The following SLC4A10 variants were observed in gnomAD, a reference collection of about 807,000 sequenced individuals.
SLC4A10 encodes sodium-driven chloride bicarbonate exchanger.
In SLC4A10, 42 loss-of-function variants were observed where a neutral mutation model predicts 137.7. The observed-to-expected ratio is 0.30, with a 90% CI of 0.24 to 0.39. SLC4A10 has a LOEUF of 0.39. Ranked by LOEUF, SLC4A10 falls within the 10% of genes least tolerant of loss-of-function variation. The pLI is 1.00. For synonymous variants in SLC4A10, 474 were observed against 464.1 expected (o/e 1.02, Z -0.27); for missense variants, 925 against 1,355.0 (o/e 0.68, Z 4.98).
intron 1 of SLC4A10, among the ~76,000 whole-genome samples, chr2:161,675,103 A>G (rs1168120406): frequency 6.6e-6 from 1 of 152,200 alleles, no homozygotes; most frequent in Admixed American, 6.5e-5. Flanking sequence ...TGAAGTTGCA[A>G]TCAGGCCAGT....
chr2:161,744,643 C>A (rs2048227430), intron 1 of SLC4A10, among the ~76,000 whole-genome samples: 1 of 151,854 alleles, frequency 6.6e-6, no homozygotes. Flanking sequence ...ATCTATAACC[C>A]ATTATTTTCA....
chr2:161,632,962 GCATATTA>G (rs2105420928), intron 1 of SLC4A10, among the ~76,000 whole-genome samples: 1 of 151,528 alleles, frequency 6.6e-6, no homozygotes, highest in Non-Finnish European at 1.5e-5. Flanking sequence ...TACTTATTTA[GCATATTA>G]CCTATTACTT....
chr2:161,892,567 C>T (rs552241657), intron 10 of SLC4A10, among the ~76,000 whole-genome samples: 3 of 152,114 alleles, frequency 2.0e-5, no homozygotes, highest in South Asian at 4.1e-4. Flanking sequence ...CTAAAATGAT[C>T]ATTATTACTT....
chr2:161,668,432 A>G (rs974224467), intron 1 of SLC4A10, among the ~76,000 whole-genome samples: 1 of 151,782 alleles, frequency 6.6e-6, no homozygotes, highest in Non-Finnish European at 1.5e-5. Context: ...AGAGTGGATT[A>G]TACAGAGAAA....
intron 1 of SLC4A10, among the ~76,000 whole-genome samples, chr2:161,655,686 G>C (rs970126321): frequency 3.9e-5 from 6 of 152,080 alleles, no homozygotes; most frequent in African/African-American, 1.4e-4. Context: ...CATTTCATGA[G>C]GCCAATATTA....
In SLC4A10 at chr2:161,904,889, G is replaced by A. The variant is rs534495211; in HGVS notation, c.1731G>A (p.Lys577=). ...GSTGPVLVFE[K]ILFKFCKEYG... is the part of the protein sequence containing the mutation. ...CAGGACCAGTTTTGGTGTTTGAAAA[G>A]ATTTTGTTTAAATTTTGCAAGTAAG... Residue 577 remains lysine, a synonymous_variant, in exon 14 of 27, where the codon AAG becomes AAA. Coordinates refer to ENST00000446997, the MANE Select transcript of SLC4A10 (RefSeq NM_001178015.2). 1.9e-6 allele frequency: 3 copies of A among 1,613,886 alleles called. No individual in the cohort carries two copies. The highest frequency in any genetic ancestry group is 2.2e-5 in the East Asian group (1 of 44,850).
intron 3 of SLC4A10, among the ~76,000 whole-genome samples, chr2:161,819,525 C>T (rs1363155505): frequency 6.7e-6 from 1 of 149,122 alleles, no homozygotes; most frequent in East Asian, 2.0e-4. Context: ...GACAGAGTCT[C>T]ACTCTGTTGG....
chr2:161,976,671 A>ATGAT, intron 24 of SLC4A10, 89 bp from the exon 25 acceptor site: 5 of 577,382 alleles, frequency 8.7e-6, no homozygotes, highest in Non-Finnish European at 1.5e-5. Flanking sequence ...TCATAGATAT[A>ATGAT]TGATTGCCCT....
chr2:161,901,628 T>A (rs1683137104), intron 12 of SLC4A10, among the ~76,000 whole-genome samples: 1 of 152,118 alleles, frequency 6.6e-6, no homozygotes, highest in Admixed American at 6.6e-5. Flanking sequence ...GCCTCCATTA[T>A]AATTAAAGGC....
chr2:161,637,238 T>A (rs973542962), intron 1 of SLC4A10, among the ~76,000 whole-genome samples: 1 of 150,838 alleles, frequency 6.6e-6, no homozygotes, highest in African/African-American at 2.4e-5. Flanking sequence ...CACTCTGTTG[T>A]CCAGGCTGGA....
intron 16 of SLC4A10, among the ~76,000 whole-genome samples, chr2:161,944,058 C>T (rs1328213466): frequency 2.6e-5 from 4 of 151,818 alleles, no homozygotes; most frequent in Non-Finnish European, 5.9e-5. Flanking sequence ...TTCAGTTACT[C>T]TTATTGTTTT....
At chr2:161,909,788 G>A (rs767072677) in intron 15 of SLC4A10, among the ~76,000 whole-genome samples, 25 of 152,096 alleles carry the variant, frequency 1.6e-4, no homozygotes, top group Non-Finnish European at 2.9e-4. Context: ...GCTAATTACT[G>A]CTATTTTAAT....
chr2:161,729,549 A>G (rs931208283), intron 1 of SLC4A10, among the ~76,000 whole-genome samples: 1 of 152,170 alleles, frequency 6.6e-6, no homozygotes, highest in Non-Finnish European at 1.5e-5. Context: ...AGATCATACA[A>G]TTTGTAAGAT....
chr2:161,872,390 C>A lies in SLC4A10; in HGVS notation c.858+6C>A, dbSNP rs965495887. 5.6e-6 allele frequency: 9 copies of A among 1,609,068 alleles called. No individual in the cohort carries two copies. The highest frequency in any genetic ancestry group is 2.7e-5 in the African/African-American group (2 of 74,806). The stretch of plus-strand genomic sequence containing the variant: ...GCACTGTTGACTTTAGCAAGGTGAG[C>A]TTTTCTCCCTCTCATCTAAGTAAGT... On this transcript the variant is annotated splice_donor_region_variant and intron_variant, in intron 7 of 26. Coordinates refer to ENST00000446997, the MANE Select transcript of SLC4A10 (RefSeq NM_001178015.2).
At chr2:161,624,700 C>T (rs1427254945) in intron 1 of SLC4A10, 134 bp downstream of exon 1, 1 of 1,193,778 alleles carries the variant, frequency 8.4e-7, no homozygotes, top group East Asian at 2.6e-5. Flanking sequence ...GGACAGGGGT[C>T]TCCTCCCATC....
At chr2:161,970,893 G>C (rs967153929) in intron 23 of SLC4A10, among the ~76,000 whole-genome samples, 1 of 152,186 alleles carries the variant, frequency 6.6e-6, no homozygotes. Flanking sequence ...CCTCTACTCA[G>C]CACAGACTTT....
intron 2 of SLC4A10, among the ~76,000 whole-genome samples, chr2:161,790,448 A>C (rs1168568462): frequency 6.6e-6 from 1 of 152,144 alleles, no homozygotes; most frequent in Non-Finnish European, 1.5e-5. Flanking sequence ...ATTTTTGTGC[A>C]ACTTAGTAGT....
At chr2:161,793,118 CT>C (rs900476110) in intron 2 of SLC4A10, among the ~76,000 whole-genome samples, 32 of 152,014 alleles carry the variant, frequency 2.1e-4, no homozygotes, top group Admixed American at 2.1e-3. Flanking sequence ...TTCAAGTAAA[CT>C]TTTTTGCTTC....
In SLC4A10 at chr2:161,744,375, C is replaced by G. The variant is rs377448866; in HGVS notation, c.49-26598C>G. Among the ~76,000 whole-genome samples the G allele has an allele frequency of 3.0e-4, 45 of 152,146 alleles. 1 individual carries two copies. In the South Asian group the frequency reaches 8.9e-3, roughly 30 times the overall value. On this transcript the variant is annotated intron_variant, in intron 1 of 26. Transcript: ENST00000446997. ...ATTTAATCAAATTCTTTTTCAGTAT[C>G]GATTGAAATGATCATATAGTTTTTG...
Sources: gnomAD v4.1 joint callset for allele counts (sites outside exome capture counted in the v4.1 genomes callset) on GRCh38, gnomAD v4.1.1 for gene constraint, MANE v1.5 for transcripts, NCBI Gene and HGNC (gene_info 2026-07-23, HGNC 2026-07-21) for gene names.